MAPKAP1: variants seen among roughly 807,000 people sequenced by gnomAD.
MAPKAP1 encodes the protein target of rapamycin complex 2 subunit MAPKAP1.
Under a neutral mutation model 65.7 loss-of-function variants are expected in MAPKAP1, and 20 were observed. The ratio of observed to expected loss-of-function variants is 0.30; its 90% CI spans 0.21 to 0.44. The LOEUF (loss-of-function observed/expected upper bound fraction) is 0.44, where lower values mean the gene tolerates loss of function less well. MAPKAP1 is among the 20% of genes least tolerant of loss of function. MAPKAP1 has a pLI of 1.00. For missense variants in MAPKAP1, 423 were observed against 648.0 expected, an observed-to-expected ratio of 0.65 and a Z score of 3.77; for synonymous variants, 222 against 244.3, an observed-to-expected ratio of 0.91 and a Z score of 0.85.
chr9:125,546,105 G>A (rs923867382), intron 6 of MAPKAP1, among the ~76,000 whole-genome samples: 8 of 152,158 alleles, frequency 5.3e-5, no homozygotes, highest in African/African-American at 1.2e-4. Context: ...TACAGCCTCC[G>A]TGCTGAAGCC....
intron 6 of MAPKAP1, among the ~76,000 whole-genome samples, chr9:125,546,429 C>T (rs1338048225): frequency 6.6e-6 from 1 of 152,088 alleles, no homozygotes; most frequent in East Asian, 1.9e-4. Context: ...GAGTAATACC[C>T]TCATATGTTT....
intron 7 of MAPKAP1, among the ~76,000 whole-genome samples, chr9:125,528,707 C>T (rs780626449): frequency 1.3e-5 from 2 of 151,104 alleles, no homozygotes; most frequent in Non-Finnish European, 2.9e-5. Flanking sequence ...ATTAGCTGGG[C>T]GTGGTGGCAC....
intron 7 of MAPKAP1, among the ~76,000 whole-genome samples, chr9:125,517,285 G>T (rs555290285): frequency 1.8e-4 from 27 of 152,302 alleles, no homozygotes; most frequent in African/African-American, 6.3e-4. Context: ...CAGCAGGGAA[G>T]AGTAGGAAGT....
chr9:125,671,782 G>A (rs2131799483), intron 2 of MAPKAP1, among the ~76,000 whole-genome samples: 1 of 152,106 alleles, frequency 6.6e-6, no homozygotes, highest in South Asian at 2.1e-4. Flanking sequence ...CAAAAACAGG[G>A]GCCCCTTTTC....
intron 9 of MAPKAP1, among the ~76,000 whole-genome samples, chr9:125,479,120 G>A (rs1004168255): frequency 1.5e-4 from 23 of 152,180 alleles, no homozygotes; most frequent in African/African-American, 5.3e-4. Context: ...AGAGTGCTTC[G>A]ATTTCAGGCG....
chr9:125,555,637 C>T (rs1830715515), intron 6 of MAPKAP1, among the ~76,000 whole-genome samples: 1 of 152,228 alleles, frequency 6.6e-6, no homozygotes, highest in Non-Finnish European at 1.5e-5. Flanking sequence ...AGCCCACAGA[C>T]ACCTGAAGTT....
At chr9:125,462,619 TG>T (rs1853540925) in intron 10 of MAPKAP1, among the ~76,000 whole-genome samples, 1 of 152,204 alleles carries the variant, frequency 6.6e-6, no homozygotes, top group Admixed American at 6.5e-5. Context: ...CCTCAGGGTT[TG>T]TTTAATGACT....
chr9:125,452,893 AAAAC>A (rs577959444), intron 10 of MAPKAP1, among the ~76,000 whole-genome samples: 27 of 152,276 alleles, frequency 1.8e-4, no homozygotes, highest in African/African-American at 4.1e-4. Flanking sequence ...CTCTGTCTCA[AAAAC>A]AAACAAACAA....
At chr9:125,654,458 A>T (rs1336019454) in intron 4 of MAPKAP1, among the ~76,000 whole-genome samples, 1 of 152,222 alleles carries the variant, frequency 6.6e-6, no homozygotes, top group Non-Finnish European at 1.5e-5. Context: ...ATCCAGACCC[A>T]GACTCTAAAA....
chr9:125,670,033 T>A (rs1315569307), intron 2 of MAPKAP1, 126 bp from the exon 3 acceptor site: 1 of 528,210 alleles, frequency 1.9e-6, no homozygotes, highest in Non-Finnish European at 3.3e-6. Context: ...AGTCATAAAA[T>A]TTTAAAGGTG....
intron 3 of MAPKAP1, among the ~76,000 whole-genome samples, chr9:125,662,387 A>T (rs754876809): frequency 1.9e-4 from 29 of 152,220 alleles, no homozygotes; most frequent in Non-Finnish European, 3.8e-4. Flanking sequence ...GTTTCAAAAC[A>T]AAAATTTTTT....
chr9:125,496,073 G>C (rs558014588), intron 8 of MAPKAP1, among the ~76,000 whole-genome samples: 1 of 152,302 alleles, frequency 6.6e-6, no homozygotes, highest in East Asian at 1.9e-4. Flanking sequence ...ACGCTTTACA[G>C]GGTAGGGAAT....
chr9:125,541,242 G>A (rs910513690), intron 7 of MAPKAP1, among the ~76,000 whole-genome samples: 1 of 152,174 alleles, frequency 6.6e-6, no homozygotes, highest in Non-Finnish European at 1.5e-5. Flanking sequence ...GATAAACGCT[G>A]GGAATGGACA....
intron 7 of MAPKAP1, among the ~76,000 whole-genome samples, chr9:125,521,009 C>G (rs1226756044): frequency 1.3e-5 from 2 of 152,224 alleles, no homozygotes; most frequent in Non-Finnish European, 2.9e-5. Flanking sequence ...ACATATCCTA[C>G]CAAAGTTATC....
intron 5 of MAPKAP1, among the ~76,000 whole-genome samples, chr9:125,564,414 A>G (rs1438573500): frequency 2.6e-5 from 4 of 152,248 alleles, no homozygotes; most frequent in Non-Finnish European, 5.9e-5. Context: ...TATCCTGAGT[A>G]CATATAACTT....
At chr9:125,699,294 G>C (rs1293578905) in intron 1 of MAPKAP1, among the ~76,000 whole-genome samples, 1 of 151,316 alleles carries the variant, frequency 6.6e-6, no homozygotes, top group African/African-American at 2.4e-5. Flanking sequence ...CTGCAGCCTT[G>C]ACACCCCGGG....
At chr9:125,577,516 G>A (rs1230848194) in intron 5 of MAPKAP1, among the ~76,000 whole-genome samples, 1 of 142,280 alleles carries the variant, frequency 7.0e-6, no homozygotes, top group Non-Finnish European at 1.5e-5. Context: ...CTACTGGGAA[G>A]TGAGGAGCCC....
intron 4 of MAPKAP1, chr9:125,596,083 G>A (rs1248155473): frequency 7.7e-6 from 8 of 1,037,778 alleles, no homozygotes; most frequent in Admixed American, 1.7e-5. Context: ...ACGACTGACC[G>A]AGGCAGTGGC....
chr9:125,597,500 G>C (rs927930208), intron 4 of MAPKAP1, among the ~76,000 whole-genome samples: 1 of 152,264 alleles, frequency 6.6e-6, no homozygotes, highest in South Asian at 2.1e-4. Context: ...AAGTCTTACA[G>C]ACTAAAGGCT....
Sources: allele counts gnomAD v4.1 joint callset (sites outside exome capture counted in the v4.1 genomes callset), GRCh38; gene constraint gnomAD v4.1.1; transcripts MANE v1.5; gene names NCBI Gene and HGNC (gene_info 2026-07-23, HGNC 2026-07-21).